Variants in PCDH1 observed in about 807,000 individuals in gnomAD.
PCDH1 encodes the protein protocadherin 1, also known as protocadherin-1.
In PCDH1, 23 loss-of-function variants were observed where a neutral mutation model predicts 74.6. The observed-to-expected ratio is 0.31, with a 90% CI of 0.22 to 0.44. The LOEUF is 0.44. Among genes scored for constraint, PCDH1 ranks in the 20% least tolerant of loss-of-function variants. The pLI, the probability that PCDH1 is intolerant of heterozygous loss-of-function variation, is 1.00. For synonymous variants in PCDH1, 647 were observed against 686.1 expected (o/e 0.94, Z 0.89); for missense variants, 1,214 against 1,641.4 (o/e 0.74, Z 4.50).
At chr5:141,875,251 G>T (rs1753192001) in intron 1 of PCDH1, among the ~76,000 whole-genome samples, 1 of 151,984 alleles carries the variant, frequency 6.6e-6, no homozygotes, top group African/African-American at 2.4e-5. Flanking sequence ...CCAGCATCGG[G>T]CACACAGTGG....
At chr5:141,856,165 G>T in intron 4 of PCDH1, 1 of 1,486,510 alleles carries the variant, frequency 6.7e-7, no homozygotes, top group South Asian at 1.2e-5. Context: ...CTGGGTGGGT[G>T]AGGCTGGGTG....
At chr5:141,857,527 AC>A in intron 3 of PCDH1, 56 bp from the exon 4 acceptor site, 1 of 1,464,302 alleles carries the variant, frequency 6.8e-7, no homozygotes, top group Non-Finnish European at 9.4e-7. Context: ...AGGGCCCACC[AC>A]CATACCAGGC....
At chr5:141,870,269 C>A (rs371792762) in intron 1 of PCDH1, among the ~76,000 whole-genome samples, 25 of 149,680 alleles carry the variant, frequency 1.7e-4, no homozygotes, top group African/African-American at 5.3e-4. Context: ...CACACATGCC[C>A]CAGAGCATGC....
At chr5:141,867,276 C>A (rs1752886455) in intron 2 of PCDH1, among the ~76,000 whole-genome samples, 1 of 152,202 alleles carries the variant, frequency 6.6e-6, no homozygotes. Context: ...GCTGACCTCT[C>A]TGCTTACTCT....
chr5:141,859,795 C>T (rs1752497093), intron 3 of PCDH1, among the ~76,000 whole-genome samples: 1 of 152,172 alleles, frequency 6.6e-6, no homozygotes, highest in Non-Finnish European at 1.5e-5. Flanking sequence ...TCTCTATGCC[C>T]TTTTAAGCCC....
chr5:141,870,478 G>C (rs1001363799), intron 1 of PCDH1, among the ~76,000 whole-genome samples: 1 of 152,172 alleles, frequency 6.6e-6, no homozygotes, highest in Non-Finnish European at 1.5e-5. Context: ...AGCCCAGCAG[G>C]TCTAACTGGG....
rs199679276 is a variant in PCDH1 at position 141,854,142 on chromosome 5, G to A, written c.3614C>T (p.Ser1205Leu). The A allele has an allele frequency of 1.1e-4, 168 of 1,598,924 alleles. No homozygotes were observed. In the East Asian group the frequency reaches 3.3e-3, roughly 31 times the overall value. The change falls in exon 5 of 5, where the codon TCG becomes TTG. Residue 1205 changes from serine (S) to leucine (L), a missense_variant. Around this residue, in one of 4 missense-constraint regions of PCDH1, gnomAD observed 194 missense variants for 198.3 expected, o/e 0.98. Transcript: ENST00000287008. Reference sequence around the variant, plus strand: ...CAGGGGGATTTCCTCCAAGGTGGCCGAGTCCTTGCAGGAATCATGGCTACT... The same window carrying A: ...CAGGGGGATTTCCTCCAAGGTGGCCAAGTCCTTGCAGGAATCATGGCTACT... ...SHSSHDSCKD[S>L]ATLEEIPLTQ...
Position 141,869,143 on chromosome 5 carries a change from G to A in PCDH1, c.329C>T (p.Thr110Ile). ...RVDGKTGDIFTTETSIDREGL... is the reference protein window; with the variant it reads ...RVDGKTGDIFITETSIDREGL... Reference sequence around the variant, plus strand: ...CTCACGGTCGATGGAGGTCTCGGTGGTGAAAATGTCACCTGTCTTGCCATC... The same window carrying A: ...CTCACGGTCGATGGAGGTCTCGGTGATGAAAATGTCACCTGTCTTGCCATC... The change falls in exon 2 of 5, where the codon ACC becomes ATC. Residue 110 changes from threonine to isoleucine, a missense_variant. By Grantham distance (89) the Thr-to-Ile change is moderately conservative. Around this residue, in one of 4 missense-constraint regions of PCDH1, gnomAD observed 97 missense variants for 173.2 expected, o/e 0.56. Transcript: ENST00000287008. This position sits in a 1 kb window ranked among gnomAD's most constrained non-coding sequence, Gnocchi z 4.9. The A allele has an allele frequency of 6.2e-7, 1 of 1,613,848 alleles. No homozygotes were observed. The highest frequency in any genetic ancestry group is 1.1e-5 in the South Asian group (1 of 91,050).
intron 1 of PCDH1, among the ~76,000 whole-genome samples, chr5:141,876,335 G>A (rs1056639741): frequency 2.6e-4 from 40 of 152,140 alleles, no homozygotes; most frequent in Non-Finnish European, 5.7e-4. Context: ...CGGCATCTCC[G>A]GCCTCGGCCT....
intron 2 of PCDH1, among the ~76,000 whole-genome samples, chr5:141,867,966 C>A (rs956819637): frequency 9.2e-5 from 14 of 152,182 alleles, no homozygotes; most frequent in African/African-American, 3.4e-4. Context: ...CCCACTGAAC[C>A]CCACTGTACC....
chr5:141,859,536 C>A (rs1396885254), intron 3 of PCDH1, among the ~76,000 whole-genome samples: 4 of 152,252 alleles, frequency 2.6e-5, no homozygotes, highest in East Asian at 1.9e-4. Context: ...TGTCTGAAAC[C>A]AAATGCTTCT....
Position 141,864,686 on chromosome 5 carries a change from G to T in PCDH1, c.1645C>A (p.Pro549Thr). ...AELVYSLEPE[P>T]AAKGLFTISP... The stretch of plus-strand genomic sequence containing the variant: ...ATGGTGAAGAGGCCCTTAGCAGCCG[G>T]CTCAGGCTCCAGAGAGTAAACCAGC... Residue 549 changes from proline (P) to threonine (T), a missense_variant, in exon 3 of 5, where the codon CCG becomes ACG. Transcript: ENST00000287008. This position sits in a 1 kb window ranked among gnomAD's most constrained non-coding sequence, Gnocchi z 5.9. 6.2e-7 allele frequency: 1 copy of T among 1,614,048 alleles called. No individual in the cohort carries two copies. Among genetic ancestry groups the T allele is most frequent in the Non-Finnish European group, 8.5e-7 (1 of 1,180,038 alleles).
In PCDH1 at chr5:141,865,573, G is replaced by T; in HGVS notation, c.904-146C>A. ...ACATCGCTCCCTTTCCAGAAGCCAT[G>T]TGTGTCCTGCCTTTTCCCAATTCGG... On this transcript the variant is annotated intron_variant, in intron 2 of 4. Coordinates refer to ENST00000287008, the MANE Select transcript of PCDH1 (RefSeq NM_032420.5). The surrounding 1 kb of genome is among the most constrained non-coding windows in gnomAD (Gnocchi z 4.4). 1.1e-6 allele frequency: 1 copy of T among 947,948 alleles called. No individual in the cohort carries two copies. Among genetic ancestry groups the T allele is most frequent in the Non-Finnish European group, 1.6e-6 (1 of 629,664 alleles). 58.7% of individuals were successfully genotyped at this position (947,948 alleles called of 1,614,324 possible). A position where few individuals can be genotyped will look rare whatever the true frequency, so the allele number is the denominator to read the frequency against.
chr5:141,872,998 C>A (rs1753130392), intron 1 of PCDH1, among the ~76,000 whole-genome samples: 1 of 152,136 alleles, frequency 6.6e-6, no homozygotes, highest in Non-Finnish European at 1.5e-5. Flanking sequence ...TCTGGCCCCA[C>A]CCTTAGGAAT....
chr5:141,868,106 A>C lies in PCDH1; in HGVS notation c.903+463T>G, dbSNP rs376303345. Among the ~76,000 whole-genome samples, 8 of 152,378 alleles carry C rather than the reference A, an allele frequency of 5.3e-5. No homozygotes were observed. The South Asian group carries it at 1.7e-3, about 32-fold the overall frequency. ...GATCTCATCTGACTTTGTCAGGAAG[A>C]GGCAAAATGAGGCTATATCCTCCAG... On this transcript the variant is annotated intron_variant, in intron 2 of 4. Transcript: ENST00000287008. The surrounding 1 kb of genome is among the most constrained non-coding windows in gnomAD (Gnocchi z 4.8).
At chr5:141,866,487 C>T (rs1388989281) in intron 2 of PCDH1, among the ~76,000 whole-genome samples, 1 of 152,188 alleles carries the variant, frequency 6.6e-6, no homozygotes, top group Non-Finnish European at 1.5e-5. Context: ...CAGGGAGAAA[C>T]ATGAGGGCTG....
chr5:141,857,365 G>A lies in PCDH1; in HGVS notation c.3206C>T (p.Pro1069Leu), dbSNP rs771378077. 16 of 1,613,886 alleles carry A rather than the reference G, an allele frequency of 9.9e-6. No homozygotes were observed. The highest frequency in any genetic ancestry group is 1.1e-5 in the Non-Finnish European group (13 of 1,179,978). ...YDSGLEESET[P>L]SSKSSSGPRL... is the part of the protein sequence containing the mutation. ...AGGCCCTGAGGATGACTTGCTGGAC[G>A]GCGTCTCAGACTCCTCCAGGCCACT... The change falls in exon 4 of 5, where the codon CCG (proline) becomes CTG (leucine). Residue 1069 changes from proline to leucine, a missense_variant. This residue lies in a region of PCDH1 where 836 missense variants were observed against 1,182.2 expected (regional missense o/e 0.71). Coordinates refer to ENST00000287008, the MANE Select transcript of PCDH1 (RefSeq NM_032420.5).
chr5:141,865,434 G>A lies in PCDH1; in HGVS notation c.904-7C>T. ...CTGAGTCATTGGCCTTCACCTATAG[G>A]GCAGGAGAGAAAAACAAGGAGAACA... On this transcript the variant is annotated splice_polypyrimidine_tract_variant and splice_region_variant and intron_variant, in intron 2 of 4. Coordinates refer to ENST00000287008, the MANE Select transcript of PCDH1 (RefSeq NM_032420.5). The surrounding 1 kb of genome is among the most constrained non-coding windows in gnomAD (Gnocchi z 4.4). 1.2e-6 allele frequency: 2 copies of A among 1,607,284 alleles called. No homozygotes were observed. Among genetic ancestry groups the A allele is most frequent in the Non-Finnish European group, 8.5e-7 (1 of 1,176,764 alleles).
At chr5:141,857,153 A>G (rs979857405) in intron 4 of PCDH1, 99 bp downstream of exon 4, 6 of 980,180 alleles carry the variant, frequency 6.1e-6, no homozygotes, top group African/African-American at 4.9e-5. Flanking sequence ...GACTGAGCAC[A>G]TAATAACTCA....
Sources: gnomAD v4.1 joint callset for allele counts (sites outside exome capture counted in the v4.1 genomes callset) on GRCh38, gnomAD v4.1.1 for gene constraint, gnomAD v4.1.1 regional missense constraint, Gnocchi (gnomAD v3.1) non-coding constraint, MANE v1.5 for transcripts, NCBI Gene and HGNC (gene_info 2026-07-23, HGNC 2026-07-21) for gene names.